The following SNX29 variants were observed in gnomAD, a reference collection of about 807,000 sequenced individuals.
The protein encoded by SNX29 is sorting nexin-29.
In SNX29, 78 loss-of-function variants were observed where a neutral mutation model predicts 102.1. The ratio of observed to expected loss-of-function variants is 0.76; its 90% CI spans 0.64 to 0.92. The LOEUF (loss-of-function observed/expected upper bound fraction) is 0.92. Ranked by LOEUF, SNX29 falls within the 40% of genes least tolerant of loss-of-function variation. The pLI is 0.00. For synonymous variants in SNX29, 580 were observed against 414.5 expected (o/e 1.40, Z -4.85); for missense variants, 1,280 against 1,061.7 (o/e 1.21, Z -2.86).
chr16:12,208,410 C>G (rs1047458696), intron 14 of SNX29, among the ~76,000 whole-genome samples: 7 of 152,098 alleles, frequency 4.6e-5, no homozygotes, highest in Non-Finnish European at 1.0e-4. Context: ...GGTTTGTAAG[C>G]TCTCAGAAGG....
intron 14 of SNX29, among the ~76,000 whole-genome samples, chr16:12,233,068 C>A (rs1354961412): frequency 6.6e-6 from 1 of 152,118 alleles, no homozygotes; most frequent in African/African-American, 2.4e-5. Flanking sequence ...GCTGGAAATG[C>A]CTTCCTCTTT....
At chr16:12,428,899 T>C (rs1414198178) in intron 18 of SNX29, among the ~76,000 whole-genome samples, 3 of 152,204 alleles carry the variant, frequency 2.0e-5, no homozygotes, top group Non-Finnish European at 4.4e-5. Context: ...GCAATTAATA[T>C]CTCCTAGTTA....
chr16:12,264,891 G>A (rs1162933774), intron 14 of SNX29, among the ~76,000 whole-genome samples: 1 of 152,094 alleles, frequency 6.6e-6, no homozygotes, highest in East Asian at 1.9e-4. Flanking sequence ...TCAGACCTCC[G>A]TGTACATACC....
intron 11 of SNX29, among the ~76,000 whole-genome samples, chr16:12,111,283 C>G (rs2141266841): frequency 6.6e-6 from 1 of 152,310 alleles, no homozygotes; most frequent in South Asian, 2.1e-4. Context: ...GCCCAGCACC[C>G]TGCTGTGGCC....
intron 13 of SNX29, among the ~76,000 whole-genome samples, chr16:12,182,576 G>T (rs116988227): frequency 1.3e-5 from 2 of 152,072 alleles, no homozygotes; most frequent in Admixed American, 1.3e-4. Flanking sequence ...CAGGAGCTCC[G>T]CACCCCTGCC....
Position 12,098,460 on chromosome 16 carries a change from G to A in SNX29, c.1402+19545G>A, listed in dbSNP as rs769272142. Among the ~76,000 whole-genome samples, 2 of 152,144 alleles carry A rather than the reference G, an allele frequency of 1.3e-5. No individual in the cohort carries two copies. Among genetic ancestry groups the A allele is most frequent in the African/African-American group, 2.4e-5 (1 of 41,434 alleles). On this transcript the variant is annotated intron_variant, in intron 11 of 20. Transcript: ENST00000566228. The surrounding 1 kb of genome is among the most constrained non-coding windows in gnomAD (Gnocchi z 6.0). ...GCATACTGGAGCTCCCACTTGCAGT[G>A]GCCACCGCGTGCCCTTTGATGGGAC...
At chr16:12,050,152 C>T (rs1192565759) in intron 7 of SNX29, among the ~76,000 whole-genome samples, 1 of 152,124 alleles carries the variant, frequency 6.6e-6, no homozygotes, top group Non-Finnish European at 1.5e-5. Context: ...AATTTCTACA[C>T]CCACAGGAGT....
At chr16:11,990,211 A>T (rs1320813232) in intron 1 of SNX29, among the ~76,000 whole-genome samples, 1 of 152,164 alleles carries the variant, frequency 6.6e-6, no homozygotes, top group Non-Finnish European at 1.5e-5. Context: ...GTTGGCTGGA[A>T]CATTGTTCTC....
Position 12,263,670 on chromosome 16 carries a change from G to A in SNX29, c.1679-14263G>A, listed in dbSNP as rs185715021. Among the ~76,000 whole-genome samples the A allele has an allele frequency of 3.5e-4, 54 of 152,276 alleles. No individual in the cohort carries two copies. The East Asian group carries it at 8.7e-3, about 24-fold the overall frequency. Reference sequence around the variant, plus strand: ...AAAATAAACTTTTTAAAGAAACAAAGAGAAAACATTATAAAGCCATGTTAA... The same window carrying A: ...AAAATAAACTTTTTAAAGAAACAAAAAGAAAACATTATAAAGCCATGTTAA... On this transcript the variant is annotated intron_variant, in intron 14 of 20. Coordinates refer to ENST00000566228, the MANE Select transcript of SNX29 (RefSeq NM_032167.5).
intron 8 of SNX29, among the ~76,000 whole-genome samples, chr16:12,058,080 A>G (rs1159219453): frequency 2.0e-5 from 3 of 152,112 alleles, no homozygotes; most frequent in South Asian, 2.1e-4. Context: ...TTGGCCTCCC[A>G]AAGTGCTGGG....
chr16:12,544,555 A>G (rs1053015297), intron 20 of SNX29, among the ~76,000 whole-genome samples: 2 of 152,048 alleles, frequency 1.3e-5, no homozygotes, highest in Non-Finnish European at 2.9e-5. Context: ...CTGGAATGTT[A>G]CAGTGATGGA....
intron 19 of SNX29, among the ~76,000 whole-genome samples, chr16:12,490,280 C>T (rs1053645709): frequency 4.6e-5 from 7 of 152,182 alleles, no homozygotes; most frequent in Non-Finnish European, 1.0e-4. Flanking sequence ...CTTTCTGATA[C>T]CATAGTGTGC....
At chr16:12,303,601 A>G (rs1363073442) in intron 15 of SNX29, among the ~76,000 whole-genome samples, 1 of 152,234 alleles carries the variant, frequency 6.6e-6, no homozygotes, top group East Asian at 1.9e-4. Flanking sequence ...AACCATAAAA[A>G]TTAGGGTTGT....
At chr16:12,081,615 G>T (rs546760502) in intron 11 of SNX29, 1 of 140,492 alleles carries the variant, frequency 7.1e-6, no homozygotes, top group African/African-American at 2.7e-5. Flanking sequence ...GGAGGTTGCA[G>T]TGAGCCGAGA....
At chr16:12,460,261 G>A (rs188925161) in intron 18 of SNX29, among the ~76,000 whole-genome samples, 73 of 152,332 alleles carry the variant, frequency 4.8e-4, no homozygotes, top group African/African-American at 1.7e-3. Context: ...TTCCTTCAGA[G>A]GGGGAAACCC....
intron 1 of SNX29, among the ~76,000 whole-genome samples, chr16:11,980,960 A>G (rs1009877399): frequency 7.2e-5 from 10 of 139,840 alleles, no homozygotes. Context: ...TTTCATTTTC[A>G]TTTTCTTTTT....
At chr16:12,082,084 C>T (rs143117167) in intron 11 of SNX29, among the ~76,000 whole-genome samples, 298 of 152,322 alleles carry the variant, frequency 2.0e-3, no homozygotes, top group Middle Eastern at 3.4e-3. Flanking sequence ...AACGCCACAT[C>T]GCTTCCCAGC....
At chr16:12,061,720 C>T (rs182878924) in intron 9 of SNX29, 74 bp downstream of exon 9, 13 of 1,345,158 alleles carry the variant, frequency 9.7e-6, no homozygotes, top group Admixed American at 2.0e-5. Flanking sequence ...TGTCTGAGTT[C>T]CCTGGACAGG....
chr16:12,288,850 C>T (rs1238265404), intron 15 of SNX29, among the ~76,000 whole-genome samples: 5 of 152,054 alleles, frequency 3.3e-5, no homozygotes, highest in South Asian at 2.1e-4. Flanking sequence ...GTCACCTGCC[C>T]GAGGTCATGG....
Sources: gnomAD v4.1 joint callset for allele counts (sites outside exome capture counted in the v4.1 genomes callset) on GRCh38, gnomAD v4.1.1 for gene constraint, Gnocchi (gnomAD v3.1) non-coding constraint, MANE v1.5 for transcripts, NCBI Gene and HGNC (gene_info 2026-07-23, HGNC 2026-07-21) for gene names.